MAST4: variants seen among roughly 807,000 people sequenced by gnomAD.
MAST4 encodes microtubule associated serine/threonine kinase family member 4.
MAST4 carries 89 observed loss-of-function variants against 162.7 expected under a neutral mutation model. That is an observed-to-expected ratio of 0.55 (90% CI 0.46 to 0.65). MAST4 has a LOEUF of 0.65. MAST4 is among the 30% of genes least tolerant of loss of function. MAST4 has a pLI of 0.00. For missense variants in MAST4, 3,153 were observed against 3,374.0 expected, an observed-to-expected ratio of 0.93 and a Z score of 1.62; for synonymous variants, 1,479 against 1,361.1, an observed-to-expected ratio of 1.09 and a Z score of -1.91.
intron 1 of MAST4, among the ~76,000 whole-genome samples, chr5:66,624,809 A>G (rs567300064): frequency 1.3e-3 from 195 of 152,222 alleles, no homozygotes; most frequent in Non-Finnish European, 1.8e-3. Flanking sequence ...ACTTTTCAGC[A>G]AAAGAATAAA....
chr5:66,640,663 G>A (rs1269300912), intron 1 of MAST4, among the ~76,000 whole-genome samples: 12 of 152,134 alleles, frequency 7.9e-5, no homozygotes, highest in African/African-American at 2.7e-4. Flanking sequence ...TCCATATCTT[G>A]GCTATTGTGA....
chr5:66,661,904 A>G (rs775704498), intron 1 of MAST4, among the ~76,000 whole-genome samples: 1 of 152,184 alleles, frequency 6.6e-6, no homozygotes, highest in Non-Finnish European at 1.5e-5. Flanking sequence ...TTTATTTTGA[A>G]AGAAACAGTG....
intron 1 of MAST4, among the ~76,000 whole-genome samples, chr5:66,745,489 C>A (rs961685724): frequency 1.3e-5 from 2 of 152,126 alleles, no homozygotes; most frequent in Non-Finnish European, 2.9e-5. Context: ...ATCAATTAAT[C>A]GATCATCGAT....
At chr5:66,728,090 C>A (rs1159947327) in intron 1 of MAST4, among the ~76,000 whole-genome samples, 2 of 152,088 alleles carry the variant, frequency 1.3e-5, no homozygotes, top group Non-Finnish European at 2.9e-5. Context: ...AGACAACATG[C>A]AGAAAGTATA....
At chr5:66,981,289 C>T (rs706701) in intron 4 of MAST4, among the ~76,000 whole-genome samples, 1 of 151,956 alleles carries the variant, frequency 6.6e-6, no homozygotes, top group Non-Finnish European at 1.5e-5. Context: ...GGAAATTATC[C>T]GCTCAAAATA....
chr5:66,868,655 C>T (rs1003716082), intron 3 of MAST4, among the ~76,000 whole-genome samples: 8 of 152,014 alleles, frequency 5.3e-5, no homozygotes, highest in African/African-American at 1.4e-4. Context: ...ATCCTCCAGG[C>T]TCTTCCTTGT....
intron 3 of MAST4, among the ~76,000 whole-genome samples, chr5:66,895,047 G>A (rs1762593706): frequency 6.6e-6 from 1 of 152,118 alleles, no homozygotes; most frequent in African/African-American, 2.4e-5. Flanking sequence ...TCCTAACTGG[G>A]CTGTTCCCTG....
chr5:66,907,591 T>A (rs1208427328), intron 4 of MAST4, among the ~76,000 whole-genome samples: 4 of 7,982 alleles, frequency 5.0e-4, no homozygotes, highest in South Asian at 3.6e-3. Flanking sequence ...TTGATGCGTG[T>A]GTGTGTGTGT....
chr5:67,101,759 T>A (rs1286255335), intron 8 of MAST4, among the ~76,000 whole-genome samples: 1 of 152,026 alleles, frequency 6.6e-6, no homozygotes, highest in Non-Finnish European at 1.5e-5. Flanking sequence ...GATATGGAAT[T>A]AACAGCTGGT....
intron 1 of MAST4, among the ~76,000 whole-genome samples, chr5:66,614,817 G>A (rs1743558324): frequency 1.3e-5 from 2 of 152,190 alleles, no homozygotes; most frequent in Admixed American, 1.3e-4. Flanking sequence ...GAGATCTATA[G>A]TTCCCTCGTG....
chr5:67,030,563 G>GA (rs1178486606), intron 4 of MAST4, among the ~76,000 whole-genome samples: 32 of 152,262 alleles, frequency 2.1e-4, no homozygotes, highest in Middle Eastern at 3.4e-3. Flanking sequence ...GGGGCAAATT[G>GA]GTCAGAGTCC....
intron 3 of MAST4, among the ~76,000 whole-genome samples, chr5:66,877,931 G>C (rs145695675): frequency 6.6e-6 from 1 of 152,146 alleles, no homozygotes; most frequent in East Asian, 1.9e-4. Flanking sequence ...GGTATCAGGC[G>C]TTCCTAAGGC....
Position 67,049,043 on chromosome 5 carries a change from GTGTATATATATATATACGTATATATA to G in MAST4, c.675-5359_675-5334del, listed in dbSNP as rs1221939535. On this transcript the variant is annotated intron_variant, in intron 4 of 28. Coordinates refer to ENST00000403625, the MANE Select transcript of MAST4 (RefSeq NM_001164664.2). ...TATACGTATATATATATATATATAC[GTGTATATATATATATACGTATATATA>G]TATATATATACACTACCATACCAAG... is the stretch of plus-strand genomic sequence containing the variant. 3.3e-3 allele frequency among the ~76,000 whole-genome samples: 176 copies of G among 54,082 alleles called. 6 individuals are homozygous for G. The highest frequency in any genetic ancestry group is 0.018 in the African/African-American group (169 of 9,422). 35.5% of individuals were successfully genotyped at this position (54,082 alleles called of 152,430 possible).
chr5:66,655,836 A>AGT (rs1268077668), intron 1 of MAST4, among the ~76,000 whole-genome samples: 13 of 152,216 alleles, frequency 8.5e-5, no homozygotes, highest in African/African-American at 3.1e-4. Flanking sequence ...CATGGTAGCT[A>AGT]GTATCTGTTG....
intron 4 of MAST4, among the ~76,000 whole-genome samples, chr5:66,977,397 G>A (rs957326879): frequency 4.6e-5 from 7 of 152,156 alleles, no homozygotes; most frequent in East Asian, 1.9e-4. Context: ...CACCACGCCC[G>A]GCTATCAGAC....
chr5:66,723,682 A>G (rs1423847379), intron 1 of MAST4, among the ~76,000 whole-genome samples: 1 of 152,132 alleles, frequency 6.6e-6, no homozygotes, highest in East Asian at 1.9e-4. Context: ...GAGTCTTTGG[A>G]GGTGCTACTT....
chr5:67,032,328 A>T (rs1755441833), intron 4 of MAST4, among the ~76,000 whole-genome samples: 1 of 152,148 alleles, frequency 6.6e-6, no homozygotes. Context: ...GTTGGGTTTT[A>T]TTATGACTAA....
chr5:66,790,174 CTT>C (rs375154510), intron 3 of MAST4, among the ~76,000 whole-genome samples: 8 of 151,978 alleles, frequency 5.3e-5, no homozygotes, highest in African/African-American at 1.7e-4. Flanking sequence ...TGTATTGTGT[CTT>C]ATAATTTTAT....
intron 1 of MAST4, among the ~76,000 whole-genome samples, chr5:66,675,460 G>A (rs894037039): frequency 2.6e-5 from 4 of 152,168 alleles, no homozygotes; most frequent in African/African-American, 9.6e-5. Flanking sequence ...CTCAGGAAAT[G>A]GTTGTGCTGA....
Sources: gnomAD v4.1 joint callset for allele counts (sites outside exome capture counted in the v4.1 genomes callset) on GRCh38, gnomAD v4.1.1 for gene constraint, MANE v1.5 for transcripts, NCBI Gene and HGNC (gene_info 2026-07-23, HGNC 2026-07-21) for gene names.